ANO3: variants seen among roughly 807,000 people sequenced by gnomAD.
ANO3 encodes anoctamin-3.
In ANO3, 99 loss-of-function variants were observed where a neutral mutation model predicts 144.8. The observed-to-expected ratio is 0.68, with a 90% CI of 0.58 to 0.81. The LOEUF (loss-of-function observed/expected upper bound fraction) is 0.81, where lower values mean the gene tolerates loss of function less well. Among genes scored for constraint, ANO3 ranks in the 30% least tolerant of loss-of-function variants. The pLI, the probability that ANO3 is intolerant of heterozygous loss-of-function variation, is 0.00. For synonymous variants in ANO3, 414 were observed against 392.6 expected (o/e 1.05, Z -0.64); for missense variants, 905 against 1,202.2 (o/e 0.75, Z 3.66).
intron 17 of ANO3, among the ~76,000 whole-genome samples, chr11:26,604,707 C>T (rs1851888445): frequency 6.6e-6 from 1 of 151,976 alleles, no homozygotes; most frequent in Non-Finnish European, 1.5e-5. Flanking sequence ...TGATTTGGCT[C>T]TCTGCTTGTC....
chr11:26,407,070 GTGTGTGTA>G lies in ANO3; in HGVS notation c.47-34846_47-34839del, dbSNP rs1196651331. Among the ~76,000 whole-genome samples the G allele has an allele frequency of 7.0e-4, 71 of 101,382 alleles. 1 individual carries two copies. In the East Asian group the frequency reaches 0.01, roughly 14 times the overall value. The allele number at this position is 101,382 out of a possible 152,430, so 66.5% of individuals were successfully genotyped here. On this transcript the variant is annotated intron_variant, in intron 1 of 26. Transcript: ENST00000256737. ...TGGGTGTGTGTGTGTGTGTGTGTGT[GTGTGTGTA>G]TATATATATATATATGTATATATAT...
chr11:26,265,458 A>C (rs1411365612), intron 1 of ANO3, among the ~76,000 whole-genome samples: 1 of 152,200 alleles, frequency 6.6e-6, no homozygotes, highest in African/African-American at 2.4e-5. Context: ...TTCTACATTA[A>C]CATCATTTCT....
intron 1 of ANO3, among the ~76,000 whole-genome samples, chr11:26,222,584 A>C (rs947694908): frequency 6.6e-6 from 1 of 152,098 alleles, no homozygotes; most frequent in Admixed American, 6.5e-5. Context: ...TGGGGACTCC[A>C]CCCCTGCAGC....
intron 3 of ANO3, among the ~76,000 whole-genome samples, chr11:26,456,576 C>G (rs1590376571): frequency 7.5e-6 from 1 of 132,546 alleles, no homozygotes; most frequent in South Asian, 2.8e-4. Flanking sequence ...CAGGAAACAA[C>G]AGGTGCTGGA....
intron 1 of ANO3, among the ~76,000 whole-genome samples, chr11:26,216,906 T>A (rs1406803838): frequency 6.6e-6 from 1 of 152,106 alleles, no homozygotes. Flanking sequence ...CAGTTTTTAA[T>A]CATGTGGTGA....
At chr11:26,546,017 CT>C (rs1397960239) in intron 11 of ANO3, among the ~76,000 whole-genome samples, 1 of 151,816 alleles carries the variant, frequency 6.6e-6, no homozygotes, top group African/African-American at 2.4e-5. Flanking sequence ...ATATCATTAT[CT>C]ATATCATACT....
intron 4 of ANO3, among the ~76,000 whole-genome samples, chr11:26,505,701 A>G (rs2703416): frequency 0.27 from 41,044 of 152,092 alleles, 5,645 homozygotes; most frequent in Middle Eastern, 0.33. Flanking sequence ...GGCCGGGCGC[A>G]GTGGCTCACA....
intron 1 of ANO3, among the ~76,000 whole-genome samples, chr11:26,368,621 CAGAG>C (rs1003781234): frequency 7.3e-5 from 11 of 151,124 alleles, no homozygotes; most frequent in African/African-American, 1.2e-4. Context: ...GAGATAGAGA[CAGAG>C]AGACAGAGGA....
chr11:26,359,316 C>CT (rs1226662668), intron 1 of ANO3, among the ~76,000 whole-genome samples: 2 of 152,066 alleles, frequency 1.3e-5, no homozygotes, highest in Non-Finnish European at 2.9e-5. Flanking sequence ...GGAGACAAGG[C>CT]TTTTTTGGGG....
chr11:26,496,995 T>TAC (rs1554962030), intron 4 of ANO3, among the ~76,000 whole-genome samples: 4,438 of 126,558 alleles, frequency 0.035, 195 homozygotes, highest in African/African-American at 0.11. Context: ...TATATATATA[T>TAC]ACACACACAG....
At chr11:26,193,665 CTGA>C (rs1157312911) in intron 1 of ANO3, among the ~76,000 whole-genome samples, 1 of 152,128 alleles carries the variant, frequency 6.6e-6, no homozygotes, top group African/African-American at 2.4e-5. Context: ...GAATGATAAT[CTGA>C]TATTTGATAT....
rs1424984136 is a variant in ANO3, at chr11:26,294,767, T to C, written c.155-14878T>C. ...CTTTAAAAACACATCGAAAAAATCT[T>C]ATGCCTTTCTTTTTCTTTGGCATAT... On this transcript the variant is annotated intron_variant, in intron 1 of 27. Transcript: ENST00000672621. Among the ~76,000 whole-genome samples the C allele has an allele frequency of 4.6e-5, 7 of 152,230 alleles. No homozygotes were observed. In the East Asian group the frequency reaches 1.2e-3, roughly 25 times the overall value.
chr11:26,241,715 G>C (rs1460797419), intron 1 of ANO3, among the ~76,000 whole-genome samples: 2 of 152,024 alleles, frequency 1.3e-5, no homozygotes, highest in Non-Finnish European at 2.9e-5. Context: ...CTTATTTTAG[G>C]TAATTCCTGT....
At chr11:26,525,123 T>C (rs1198058268) in intron 6 of ANO3, among the ~76,000 whole-genome samples, 1 of 152,158 alleles carries the variant, frequency 6.6e-6, no homozygotes, top group Non-Finnish European at 1.5e-5. Flanking sequence ...TGATGACTTC[T>C]CACCTCAACT....
intron 4 of ANO3, among the ~76,000 whole-genome samples, chr11:26,497,529 A>G (rs561784680): frequency 6.6e-6 from 1 of 152,164 alleles, no homozygotes; most frequent in South Asian, 2.1e-4. Flanking sequence ...TGTAATTTTT[A>G]TTTGATTTCA....
At chr11:26,250,284 T>C (rs753066017) in intron 1 of ANO3, among the ~76,000 whole-genome samples, 4 of 152,246 alleles carry the variant, frequency 2.6e-5, no homozygotes, top group Non-Finnish European at 4.4e-5. Flanking sequence ...GTTGGCTGTC[T>C]CTTTGTTCCA....
intron 1 of ANO3, among the ~76,000 whole-genome samples, chr11:26,198,943 A>G (rs947729265): frequency 6.6e-6 from 1 of 152,158 alleles, no homozygotes; most frequent in East Asian, 1.9e-4. Context: ...GTTTTTGTGG[A>G]TGGCAGCAAG....
chr11:26,421,810 C>G (rs963588604), intron 1 of ANO3, among the ~76,000 whole-genome samples: 1 of 151,958 alleles, frequency 6.6e-6, no homozygotes, highest in Non-Finnish European at 1.5e-5. Context: ...ATGGATGGAC[C>G]TTGAGGCCAT....
chr11:26,226,791 C>T (rs1006312877), intron 1 of ANO3, among the ~76,000 whole-genome samples: 1 of 152,036 alleles, frequency 6.6e-6, no homozygotes, highest in African/African-American at 2.4e-5. Flanking sequence ...TTAAAATACA[C>T]GTAACATTTT....
Sources: gnomAD v4.1 joint callset for allele counts (sites outside exome capture counted in the v4.1 genomes callset) on GRCh38, gnomAD v4.1.1 for gene constraint, MANE v1.5 for transcripts, NCBI Gene and HGNC (gene_info 2026-07-23, HGNC 2026-07-21) for gene names.